Variants in UBAC2 observed in about 807,000 individuals in gnomAD.
The protein encoded by UBAC2 is UBA domain containing 2, also known as ubiquitin-associated domain-containing protein 2.
UBAC2 carries 26 observed loss-of-function variants against 44.0 expected under a neutral mutation model. The observed-to-expected ratio is 0.59, with a 90% confidence interval of 0.43 to 0.82. The LOEUF is 0.82. Ranked by LOEUF, UBAC2 falls within the 40% of genes least tolerant of loss-of-function variation. The pLI is 0.00. For missense variants in UBAC2, 329 were observed against 419.4 expected, an observed-to-expected ratio of 0.78 and a Z score of 1.88; for synonymous variants, 155 against 154.3, an observed-to-expected ratio of 1.00 and a Z score of -0.04.
Position 99,347,327 on chromosome 13 carries a change from C to G in UBAC2, c.807+6762C>G, listed in dbSNP as rs1227327677. 2.3e-4 allele frequency among the ~76,000 whole-genome samples: 19 copies of G among 81,814 alleles called. 4 individuals are homozygous for G. The highest frequency in any genetic ancestry group is 1.3e-3 in the Admixed American group (13 of 10,022). 53.7% of individuals were successfully genotyped at this position (81,814 alleles called of 152,430 possible). ...CGTTACTATCCCCGGGCGCCCCCCCCCCCCCCCAGGAAAAAAAAGGCAAGT... is the reference window on the plus strand; with the variant it reads ...CGTTACTATCCCCGGGCGCCCCCCCGCCCCCCCAGGAAAAAAAAGGCAAGT... On this transcript the variant is annotated intron_variant, in intron 7 of 8. Coordinates refer to ENST00000403766, the MANE Select transcript of UBAC2 (RefSeq NM_001144072.2).
chr13:99,372,843 G>T (rs537453056), intron 8 of UBAC2, among the ~76,000 whole-genome samples: 2 of 152,180 alleles, frequency 1.3e-5, no homozygotes, highest in Admixed American at 1.3e-4. Flanking sequence ...GGCCGGGCGC[G>T]GTGGCCCACA....
chr13:99,272,681 T>C (rs1371980935), intron 4 of UBAC2, among the ~76,000 whole-genome samples: 2 of 152,156 alleles, frequency 1.3e-5, no homozygotes, highest in Non-Finnish European at 2.9e-5. Flanking sequence ...TGGTCTCTCT[T>C]CCTCCTCTTA....
intron 6 of UBAC2, among the ~76,000 whole-genome samples, chr13:99,324,830 G>A (rs1030186322): frequency 1.3e-5 from 2 of 152,102 alleles, no homozygotes; most frequent in Non-Finnish European, 2.9e-5. Flanking sequence ...AGATCAAGTA[G>A]GGGAAATGAC....
chr13:99,244,413 A>G (rs1759582741), intron 3 of UBAC2, 102 bp from the exon 4 acceptor site: 1 of 748,726 alleles, frequency 1.3e-6, no homozygotes, highest in Non-Finnish European at 2.3e-6. Context: ...ACACACACAC[A>G]TACATATGAA....
Position 99,295,944 on chromosome 13 carries a change from G to A in UBAC2, c.390-18153G>A, listed in dbSNP as rs200952492. On this transcript the variant is annotated intron_variant, in intron 4 of 8. Coordinates refer to ENST00000403766, the MANE Select transcript of UBAC2 (RefSeq NM_001144072.2). The surrounding 1 kb of genome is among the most constrained non-coding windows in gnomAD (Gnocchi z 4.1). ...GAAATCACCAAATTTGTTGAATAGA[G>A]GGTGGTAGAGTTGATTTTTTTCCTG... The A allele has an allele frequency of 4.3e-5, 69 of 1,613,902 alleles. No homozygotes were observed. The South Asian group carries it at 6.9e-4, about 16-fold the overall frequency.
At position 99,295,762 on chromosome 13, in the gene UBAC2, G is replaced by A; in HGVS notation, c.390-18335G>A. 3 of 1,614,076 alleles carry A rather than the reference G, an allele frequency of 1.9e-6. No individual in the cohort carries two copies. The highest frequency in any genetic ancestry group is 2.2e-5 in the South Asian group (2 of 91,076). On this transcript the variant is annotated intron_variant, in intron 4 of 8. Coordinates refer to ENST00000403766, the MANE Select transcript of UBAC2 (RefSeq NM_001144072.2). The surrounding 1 kb of genome is among the most constrained non-coding windows in gnomAD (Gnocchi z 4.1). The stretch of plus-strand genomic sequence containing the variant: ...GAGGGTGCACCACAGCAATGAAGCG[G>A]TCAATACTCAGGCAGGTCATAAAGT...
chr13:99,365,732 C>G (rs2045321558), intron 7 of UBAC2, among the ~76,000 whole-genome samples: 1 of 151,932 alleles, frequency 6.6e-6, no homozygotes, highest in Non-Finnish European at 1.5e-5. Context: ...TGTATATTCT[C>G]TAAATATTAA....
At chr13:99,291,111 T>C (rs1481199149) in intron 4 of UBAC2, among the ~76,000 whole-genome samples, 1 of 152,166 alleles carries the variant, frequency 6.6e-6, no homozygotes, top group African/African-American at 2.4e-5. Flanking sequence ...TGCCACACCA[T>C]GTGACCTTGT....
chr13:99,220,321 T>C (rs1391738396), intron 1 of UBAC2, among the ~76,000 whole-genome samples: 1 of 152,242 alleles, frequency 6.6e-6, no homozygotes, highest in African/African-American at 2.4e-5. Context: ...TAGAGAATGC[T>C]GATAATTAAT....
intron 4 of UBAC2, among the ~76,000 whole-genome samples, chr13:99,283,044 C>T (rs2043974146): frequency 1.3e-5 from 2 of 152,292 alleles, no homozygotes; most frequent in African/African-American, 4.8e-5. Flanking sequence ...CTGGCTGATT[C>T]AGCAGAAAGG....
intron 1 of UBAC2, among the ~76,000 whole-genome samples, chr13:99,211,419 A>G (rs1281893145): frequency 6.6e-6 from 1 of 152,248 alleles, no homozygotes; most frequent in Non-Finnish European, 1.5e-5. Context: ...AACATCTGGG[A>G]AAAAGAATCA....
At chr13:99,287,450 A>G (rs1004135028) in intron 4 of UBAC2, among the ~76,000 whole-genome samples, 3 of 151,870 alleles carry the variant, frequency 2.0e-5, no homozygotes, top group African/African-American at 7.3e-5. Flanking sequence ...ATTTTGAGAC[A>G]GGGTCTCACT....
intron 4 of UBAC2, among the ~76,000 whole-genome samples, chr13:99,269,076 G>C (rs2043783751): frequency 1.3e-5 from 2 of 152,152 alleles, no homozygotes; most frequent in Admixed American, 1.3e-4. Flanking sequence ...AGCACTCACT[G>C]TCTCAAGATG....
chr13:99,304,257 T>C (rs2044298186), intron 4 of UBAC2, among the ~76,000 whole-genome samples: 1 of 152,172 alleles, frequency 6.6e-6, no homozygotes, highest in South Asian at 2.1e-4. Flanking sequence ...CATTCTTCCC[T>C]CTGTTTGATG....
intron 4 of UBAC2, chr13:99,296,170 A>G (rs766704850): frequency 1.3e-6 from 2 of 1,540,294 alleles, no homozygotes; most frequent in African/African-American, 1.4e-5. Context: ...GTGTCTAGAA[A>G]AAAACCAAGA....
chr13:99,383,765 G>A (rs2045581971), intron 8 of UBAC2, among the ~76,000 whole-genome samples: 1 of 152,220 alleles, frequency 6.6e-6, no homozygotes, highest in South Asian at 2.1e-4. Flanking sequence ...GAAAAGCCCT[G>A]GCTGGACTCC....
chr13:99,269,427 A>C (rs1056873674), intron 4 of UBAC2, among the ~76,000 whole-genome samples: 1 of 152,174 alleles, frequency 6.6e-6, no homozygotes, highest in East Asian at 1.9e-4. Flanking sequence ...ATGTAGAGTT[A>C]TTATTATATT....
intron 4 of UBAC2, among the ~76,000 whole-genome samples, chr13:99,276,180 G>A (rs200413364): frequency 2.6e-4 from 39 of 152,272 alleles, no homozygotes; most frequent in Admixed American, 1.4e-3. Flanking sequence ...ACGCTAACAA[G>A]TAGTACTCCA....
chr13:99,317,204 C>T (rs2044504292), intron 5 of UBAC2, among the ~76,000 whole-genome samples: 1 of 152,146 alleles, frequency 6.6e-6, no homozygotes, highest in East Asian at 1.9e-4. Flanking sequence ...TAGCACAATG[C>T]CAGCGATGAA....
Sources: allele counts gnomAD v4.1 joint callset (sites outside exome capture counted in the v4.1 genomes callset), GRCh38; gene constraint gnomAD v4.1.1; non-coding constraint Gnocchi (gnomAD v3.1); transcripts MANE v1.5; gene names NCBI Gene and HGNC (gene_info 2026-07-23, HGNC 2026-07-21).